The following DPH6 variants were observed in gnomAD, a reference collection of about 807,000 sequenced individuals.
The protein encoded by DPH6 is diphthine--ammonia ligase.
A neutral mutation model predicts 38.2 loss-of-function variants in DPH6; 33 were observed. The observed-to-expected ratio is 0.86, with a 90% CI of 0.65 to 1.15. DPH6 has a LOEUF of 1.15. Among genes scored for constraint, DPH6 ranks in the 50% most tolerant of loss-of-function variants. DPH6 has a pLI of 0.00. For missense variants in DPH6, 325 were observed against 320.0 expected (o/e 1.02, Z -0.12); for synonymous variants, 108 against 103.0 (o/e 1.05, Z -0.30).
At chr15:35,149,307 G>A in the DPH6 span, among the ~76,000 whole-genome samples, 5 of 152,002 alleles carry the variant, frequency 3.3e-5, no homozygotes, top group African/African-American at 7.3e-5. Flanking sequence ...GCCCCATCTC[G>A]GCTCACTGCA....
At chr15:35,321,077 T>C (rs963398658) in intron 3 of DPH6, among the ~76,000 whole-genome samples, 9 of 152,240 alleles carry the variant, frequency 5.9e-5, no homozygotes, top group Non-Finnish European at 1.3e-4. Flanking sequence ...GGTCCCATGA[T>C]GACCTCTGGG....
intron 5 of DPH6, among the ~76,000 whole-genome samples, chr15:35,435,600 C>T (rs1284681351): frequency 6.6e-6 from 1 of 152,092 alleles, no homozygotes; most frequent in Admixed American, 6.5e-5. Flanking sequence ...TGCATGTTGG[C>T]AGGACCCCCT....
the DPH6 span, among the ~76,000 whole-genome samples, chr15:35,160,417 C>CCAATA: frequency 1.3e-5 from 2 of 151,846 alleles, no homozygotes; most frequent in African/African-American, 4.8e-5. Context: ...CTAGCTATAT[C>CCAATA]CAATAGTTGG....
intron 3 of DPH6, among the ~76,000 whole-genome samples, chr15:35,338,415 A>G (rs2052392338): frequency 6.6e-6 from 1 of 152,236 alleles, no homozygotes; most frequent in Non-Finnish European, 1.5e-5. Context: ...TATGCAGCCA[A>G]AAAACAGATG....
chr15:35,196,485 T>C, the DPH6 span, among the ~76,000 whole-genome samples: 1 of 151,866 alleles, frequency 6.6e-6, no homozygotes, highest in Admixed American at 6.6e-5. Context: ...AGGCGGGCTG[T>C]GTGGTAAGTA....
At chr15:35,411,390 G>A (rs1358500085) in intron 5 of DPH6, among the ~76,000 whole-genome samples, 1 of 151,678 alleles carries the variant, frequency 6.6e-6, no homozygotes, top group African/African-American at 2.4e-5. Context: ...AGTGGCATAT[G>A]GGCACAAATA....
At chr15:35,444,867 T>C (rs2053831254) in intron 5 of DPH6, among the ~76,000 whole-genome samples, 2 of 138,130 alleles carry the variant, frequency 1.4e-5, no homozygotes, top group Admixed American at 7.8e-5. Context: ...GGTATGATAT[T>C]AGTAATGGTC....
In DPH6 at chr15:35,411,269, C is replaced by A. The variant is rs184380221; in HGVS notation, c.506-373G>T. On this transcript the variant is annotated intron_variant, in intron 5 of 8. Coordinates refer to ENST00000256538, the MANE Select transcript of DPH6 (RefSeq NM_080650.4). ...TATGATTTATTTTACTGATGGACAA[C>A]AGCATTAATTTTCTGATTTATCCCT... Among the ~76,000 whole-genome samples the A allele has an allele frequency of 2.0e-3, 309 of 151,716 alleles. 2 individuals carry two copies. The highest frequency in any genetic ancestry group is 3.7e-3 in the Non-Finnish European group (249 of 67,742).
rs566817560 is a variant in DPH6, at chr15:35,298,236, A to T, written n.200+75285T>A. Reference sequence around the variant, plus strand: ...GATCACCGGAGATGACTTGTGCTCTAGTTCTTAAAATCAAACTTGTTCTGC... The same window carrying T: ...GATCACCGGAGATGACTTGTGCTCTTGTTCTTAAAATCAAACTTGTTCTGC... On this transcript the variant is annotated intron_variant and non_coding_transcript_variant, in intron 3 of 3. Coordinates refer to the DPH6 transcript ENST00000560386. The T allele has an allele frequency of 4.2e-4, 219 of 517,228 alleles. 5 individuals are homozygous for T. Among genetic ancestry groups the T allele is most frequent in the South Asian group, 3.4e-3 (218 of 64,774 alleles). 32.0% of individuals were successfully genotyped at this position (517,228 alleles called of 1,614,324 possible). A position where few individuals can be genotyped will look rare whatever the true frequency, so the allele number is the denominator to read the frequency against.
intron 3 of DPH6, among the ~76,000 whole-genome samples, chr15:35,251,195 T>C (rs1202328216): frequency 6.6e-6 from 1 of 152,232 alleles, no homozygotes; most frequent in Non-Finnish European, 1.5e-5. Flanking sequence ...TTTCTTAAAA[T>C]TTTTAAGTAA....
chr15:35,518,827 T>C (rs918090191), intron 3 of DPH6, among the ~76,000 whole-genome samples: 14 of 152,062 alleles, frequency 9.2e-5, no homozygotes, highest in African/African-American at 2.9e-4. Flanking sequence ...AAGTTACCAT[T>C]TGAGCATCTC....
At chr15:35,237,187 A>G in intron 3 of DPH6, 1 of 678,952 alleles carries the variant, frequency 1.5e-6, no homozygotes, top group Middle Eastern at 4.0e-4. Flanking sequence ...AAGAATGACC[A>G]TTGAGGTTAG....
chr15:35,466,713 C>G (rs2141116735), intron 3 of DPH6, among the ~76,000 whole-genome samples: 1 of 152,192 alleles, frequency 6.6e-6, no homozygotes, highest in South Asian at 2.1e-4. Context: ...TGGTAATAGC[C>G]TACTACACAC....
At chr15:35,467,755 T>C (rs145326889) in intron 3 of DPH6, among the ~76,000 whole-genome samples, 2 of 152,292 alleles carry the variant, frequency 1.3e-5, no homozygotes, top group Non-Finnish European at 2.9e-5. Flanking sequence ...CGGAATACCT[T>C]GGAGGGACCG....
At chr15:35,288,499 T>A (rs951930755) in intron 3 of DPH6, among the ~76,000 whole-genome samples, 4 of 152,196 alleles carry the variant, frequency 2.6e-5, no homozygotes, top group African/African-American at 9.6e-5. Context: ...GAGGTACGTT[T>A]ACAATGACCC....
At chr15:35,280,446 T>G (rs958130777) in intron 3 of DPH6, among the ~76,000 whole-genome samples, 2 of 152,180 alleles carry the variant, frequency 1.3e-5, no homozygotes, top group Non-Finnish European at 1.5e-5. Context: ...TGATTTAAGC[T>G]AGAATTTATA....
At chr15:35,216,687 T>C (rs2140381600), downstream of DPH6, among the ~76,000 whole-genome samples, 1 of 152,334 alleles carries the variant, frequency 6.6e-6, no homozygotes, top group African/African-American at 2.4e-5. Context: ...GCTAGATATT[T>C]AATATGAAAA....
intron 5 of DPH6, among the ~76,000 whole-genome samples, chr15:35,424,431 T>G: frequency 6.7e-6 from 1 of 148,422 alleles, no homozygotes; most frequent in East Asian, 2.0e-4. Flanking sequence ...TTTACTGAAT[T>G]TATGTATTAG....
intron 5 of DPH6, among the ~76,000 whole-genome samples, chr15:35,427,237 G>A (rs942191592): frequency 8.6e-5 from 13 of 151,818 alleles, no homozygotes; most frequent in African/African-American, 2.9e-4. Flanking sequence ...CACTTTCTGA[G>A]AAAAACAGTG....
Sources: allele counts gnomAD v4.1 joint callset (sites outside exome capture counted in the v4.1 genomes callset), GRCh38; gene constraint gnomAD v4.1.1; transcripts MANE v1.5; gene names NCBI Gene and HGNC (gene_info 2026-07-23, HGNC 2026-07-21).